The following CDK14 variants were observed in gnomAD, a reference collection of about 807,000 sequenced individuals.
CDK14 encodes the protein cyclin-dependent kinase 14.
A neutral mutation model predicts 60.7 loss-of-function variants in CDK14; 34 were observed. The observed-to-expected ratio is 0.56, with a 90% CI of 0.43 to 0.75. The LOEUF (loss-of-function observed/expected upper bound fraction) is 0.75, where lower values mean the gene tolerates loss of function less well. Among genes scored for constraint, CDK14 ranks in the 30% least tolerant of loss-of-function variants. The pLI, the probability that CDK14 is intolerant of heterozygous loss-of-function variation, is 0.00. For synonymous variants in CDK14, 197 were observed against 203.7 expected (o/e 0.97, Z 0.28); for missense variants, 482 against 564.1 (o/e 0.85, Z 1.47).
chr7:90,652,539 G>A (rs1800665901), intron 2 of CDK14, among the ~76,000 whole-genome samples: 2 of 152,294 alleles, frequency 1.3e-5, no homozygotes, highest in South Asian at 4.1e-4. Context: ...GCTCTTGCCT[G>A]CCTTGAAAGA....
At position 90,639,599 on chromosome 7, in the gene CDK14, G is replaced by A. The variant is rs536932065; in HGVS notation, c.123+35350G>A. Among the ~76,000 whole-genome samples, 16 of 151,184 alleles carry A rather than the reference G, an allele frequency of 1.1e-4. No homozygotes were observed. The East Asian group carries it at 2.8e-3, about 26-fold the overall frequency. On this transcript the variant is annotated intron_variant, in intron 2 of 14. Coordinates refer to ENST00000380050, the MANE Select transcript of CDK14 (RefSeq NM_001287135.2). ...CAGGGGTCAGGGACCCACTTGAGGAGGCAGTCTGCCCGTTCTCAGATCTCC... is the reference window on the plus strand; with the variant it reads ...CAGGGGTCAGGGACCCACTTGAGGAAGCAGTCTGCCCGTTCTCAGATCTCC...
At chr7:90,879,070 C>G (rs1208355236) in intron 6 of CDK14, among the ~76,000 whole-genome samples, 1 of 152,116 alleles carries the variant, frequency 6.6e-6, no homozygotes, top group Non-Finnish European at 1.5e-5. Flanking sequence ...TTGCTTTGGC[C>G]AACGAATTGA....
chr7:91,061,459 G>C (rs1797783444), intron 11 of CDK14, among the ~76,000 whole-genome samples: 2 of 152,210 alleles, frequency 1.3e-5, no homozygotes, highest in Admixed American at 1.3e-4. Flanking sequence ...GCGTTCCTTT[G>C]GAGGAGGAGA....
At chr7:90,729,212 A>T (rs1398675857) in intron 3 of CDK14, among the ~76,000 whole-genome samples, 1 of 150,536 alleles carries the variant, frequency 6.6e-6, no homozygotes, top group African/African-American at 2.4e-5. Context: ...CCTTAAATTC[A>T]CTCCAACTAA....
chr7:90,606,569 C>G (rs1351448605), intron 2 of CDK14, among the ~76,000 whole-genome samples: 1 of 152,170 alleles, frequency 6.6e-6, no homozygotes, highest in Non-Finnish European at 1.5e-5. Flanking sequence ...TGAAGAATTA[C>G]AGCTATGAGG....
chr7:90,709,623 T>G (rs1801988765), intron 2 of CDK14: 1 of 1,603,938 alleles, frequency 6.2e-7, no homozygotes, highest in Middle Eastern at 1.7e-4. Flanking sequence ...AAGTCCATCG[T>G]GTTTGGAAAA....
intron 5 of CDK14, among the ~76,000 whole-genome samples, chr7:90,844,034 T>C (rs1443186776): frequency 6.6e-6 from 1 of 152,120 alleles, no homozygotes; most frequent in African/African-American, 2.4e-5. Context: ...ATGAAATGGA[T>C]TAAAAAAATA....
chr7:90,603,069 C>T (rs1799348318), intron 1 of CDK14, among the ~76,000 whole-genome samples: 1 of 129,428 alleles, frequency 7.7e-6, no homozygotes, highest in South Asian at 2.6e-4. Context: ...TTTCCAATAG[C>T]TACCCAAGTG....
rs1477398869 is a variant in CDK14 at position 91,071,985 on chromosome 7, AG to A, written c.1106-7445del. 2.0e-5 allele frequency among the ~76,000 whole-genome samples: 3 copies of A among 152,298 alleles called. No individual in the cohort carries two copies. The South Asian group carries it at 6.2e-4, about 32-fold the overall frequency. On this transcript the variant is annotated intron_variant, in intron 11 of 14. Transcript: ENST00000380050. ...TCCCTGCAGGAACTCCAACAACTCC[AG>A]GCAGGGGCTCAGGGGCAGAACTCTG...
chr7:90,632,047 G>C (rs1800011201), intron 2 of CDK14: 2 of 152,572 alleles, frequency 1.3e-5, no homozygotes. Flanking sequence ...ACACCCAATA[G>C]CGTAATTTTT....
chr7:91,108,427 C>T (rs897439450), intron 12 of CDK14, among the ~76,000 whole-genome samples: 19 of 152,228 alleles, frequency 1.2e-4, no homozygotes, highest in Non-Finnish European at 1.0e-4. Context: ...TATTCACATT[C>T]TTGAATCTTA....
intron 10 of CDK14, among the ~76,000 whole-genome samples, chr7:91,012,813 G>A (rs141908177): frequency 3.0e-4 from 46 of 152,124 alleles, no homozygotes; most frequent in African/African-American, 1.0e-3. Context: ...CTCCTCAAAG[G>A]GTAAAGATAG....
chr7:91,210,126 A>T lies in CDK14; in HGVS notation c.*2990A>T, dbSNP rs1279536711. 7.2e-5 allele frequency: 11 copies of T among 152,636 alleles called. No homozygotes were observed. The highest frequency in any genetic ancestry group is 1.6e-4 in the Non-Finnish European group (11 of 68,042). 9.5% of individuals were successfully genotyped at this position (152,636 alleles called of 1,614,324 possible). ...GGAATATGCTGCATAATTGCGCATA[A>T]CTTCCATCTCCCTTACTGGCTTGTA... On this transcript the variant is annotated 3_prime_UTR_variant, in exon 15 of 15. Coordinates refer to ENST00000380050, the MANE Select transcript of CDK14 (RefSeq NM_001287135.2).
chr7:91,043,144 C>T (rs1797135240), intron 10 of CDK14, among the ~76,000 whole-genome samples: 1 of 152,116 alleles, frequency 6.6e-6, no homozygotes, highest in South Asian at 2.1e-4. Flanking sequence ...TATGGTATGA[C>T]CATAATATAT....
intron 14 of CDK14, among the ~76,000 whole-genome samples, chr7:91,193,058 A>C (rs1178351408): frequency 1.3e-5 from 2 of 152,172 alleles, no homozygotes; most frequent in Non-Finnish European, 2.9e-5. Context: ...TGTAAGCCTT[A>C]TTACCCCACA....
intron 8 of CDK14, among the ~76,000 whole-genome samples, chr7:90,953,735 C>G (rs555265509): frequency 5.3e-5 from 8 of 152,226 alleles, no homozygotes; most frequent in Admixed American, 2.6e-4. Flanking sequence ...GAGAATCAAG[C>G]TGGAATGTTT....
At chr7:90,598,994 G>C (rs971778302) in intron 1 of CDK14, among the ~76,000 whole-genome samples, 1 of 152,126 alleles carries the variant, frequency 6.6e-6, no homozygotes, top group Non-Finnish European at 1.5e-5. Context: ...GAGAGCCACC[G>C]CGCCCGGCCT....
intron 2 of CDK14, among the ~76,000 whole-genome samples, chr7:90,610,529 G>T (rs563543677): frequency 8.5e-5 from 13 of 152,268 alleles, no homozygotes; most frequent in African/African-American, 2.6e-4. Flanking sequence ...CCCTAGCAAA[G>T]TACCACAAAC....
intron 3 of CDK14, among the ~76,000 whole-genome samples, chr7:90,735,170 C>T (rs1341195959): frequency 6.6e-6 from 1 of 152,196 alleles, no homozygotes; most frequent in Non-Finnish European, 1.5e-5. Flanking sequence ...GCTGCCTGTT[C>T]CTTCGTCTGG....
Sources: allele counts gnomAD v4.1 joint callset (sites outside exome capture counted in the v4.1 genomes callset), GRCh38; gene constraint gnomAD v4.1.1; transcripts MANE v1.5; gene names NCBI Gene and HGNC (gene_info 2026-07-23, HGNC 2026-07-21).